The following ATP11B variants were observed in gnomAD, a reference collection of about 807,000 sequenced individuals.
ATP11B encodes the protein ATPase phospholipid transporting 11B (putative).
Under a neutral mutation model 157.8 loss-of-function variants are expected in ATP11B, and 81 were observed. That is an observed-to-expected ratio of 0.51 (90% CI 0.43 to 0.62). The LOEUF (loss-of-function observed/expected upper bound fraction) is 0.62. Ranked by LOEUF, ATP11B falls within the 20% of genes least tolerant of loss-of-function variation. The pLI is 0.00. For synonymous variants in ATP11B, 451 were observed against 469.4 expected (o/e 0.96, Z 0.51); for missense variants, 1,165 against 1,402.2 (o/e 0.83, Z 2.70).
chr3:182,819,137 C>A (rs1006570948), intron 1 of ATP11B, among the ~76,000 whole-genome samples: 1 of 143,308 alleles, frequency 7.0e-6, no homozygotes, highest in African/African-American at 2.6e-5. Flanking sequence ...AGTGCAGTGG[C>A]GCGATTTCGG....
chr3:182,828,337 A>G (rs1299152023), intron 3 of ATP11B, 128 bp downstream of exon 3: 2 of 461,996 alleles, frequency 4.3e-6, no homozygotes, highest in Non-Finnish European at 7.9e-6. Flanking sequence ...GTGCTTCTGC[A>G]TTGTATTCAG....
At chr3:182,903,365 TTCTC>T (rs1298319523) in intron 28 of ATP11B, among the ~76,000 whole-genome samples, 3 of 152,166 alleles carry the variant, frequency 2.0e-5, no homozygotes, top group African/African-American at 7.2e-5. Context: ...TTTCTAATCT[TTCTC>T]TATGTTCATT....
chr3:182,805,282 A>G (rs1170435711), intron 1 of ATP11B, among the ~76,000 whole-genome samples: 1 of 152,170 alleles, frequency 6.6e-6, no homozygotes, highest in East Asian at 1.9e-4. Flanking sequence ...ATCCTTGCCA[A>G]CACTTACTTT....
chr3:182,863,685 A>G (rs1721020600), intron 12 of ATP11B, among the ~76,000 whole-genome samples: 1 of 151,988 alleles, frequency 6.6e-6, no homozygotes. Context: ...ATGAAAGTTA[A>G]AAGATTAAAC....
intron 18 of ATP11B, among the ~76,000 whole-genome samples, chr3:182,872,898 C>T (rs748074250): frequency 2.0e-5 from 3 of 152,194 alleles, no homozygotes; most frequent in Non-Finnish European, 2.9e-5. Context: ...CTCTGCATGC[C>T]ACCTGTAGCT....
At chr3:182,814,951 AG>A (rs1716886418) in intron 1 of ATP11B, among the ~76,000 whole-genome samples, 1 of 152,188 alleles carries the variant, frequency 6.6e-6, no homozygotes, top group East Asian at 1.9e-4. Context: ...CTGGGGAATG[AG>A]GGGCATCAGC....
At chr3:182,890,522 C>T (rs999226739) in intron 25 of ATP11B, among the ~76,000 whole-genome samples, 1 of 152,014 alleles carries the variant, frequency 6.6e-6, no homozygotes, top group African/African-American at 2.4e-5. Context: ...CAAAATACAC[C>T]GGTGTAATAA....
At chr3:182,852,900 A>G (rs1720090359) in intron 10 of ATP11B, among the ~76,000 whole-genome samples, 1 of 152,252 alleles carries the variant, frequency 6.6e-6, no homozygotes, top group South Asian at 2.1e-4. Flanking sequence ...TGTTGTGAAG[A>G]TGCCAGAAAC....
chr3:182,844,499 C>A lies in ATP11B; in HGVS notation c.705-959C>A, dbSNP rs796736332. On this transcript the variant is annotated intron_variant, in intron 8 of 29. Transcript: ENST00000323116. The stretch of plus-strand genomic sequence containing the variant: ...CTTATTTTGCTATCACTAAGAAGAT[C>A]AATTTCCTTTCTAGTTATTCCTTGT... The A allele has an allele frequency of 7.7e-6, 7 of 911,940 alleles. No individual in the cohort carries two copies. The South Asian group carries it at 2.0e-4, about 26-fold the overall frequency. 56.5% of individuals were successfully genotyped at this position (911,940 alleles called of 1,614,324 possible).
At chr3:182,829,033 T>C (rs1256855058) in intron 3 of ATP11B, among the ~76,000 whole-genome samples, 2 of 152,168 alleles carry the variant, frequency 1.3e-5, no homozygotes. Context: ...TTGCTTTCTT[T>C]CATGAACAGA....
At chr3:182,847,699 A>G (rs370774435) in intron 9 of ATP11B, among the ~76,000 whole-genome samples, 13 of 152,250 alleles carry the variant, frequency 8.5e-5, no homozygotes, top group African/African-American at 3.1e-4. Flanking sequence ...GTTTTTAGGC[A>G]TTTTGTTAAT....
intron 9 of ATP11B, among the ~76,000 whole-genome samples, chr3:182,846,813 G>A (rs547106848): frequency 6.6e-6 from 1 of 152,256 alleles, no homozygotes; most frequent in Non-Finnish European, 1.5e-5. Context: ...GTTTCCAGGG[G>A]CTGGGGAGTA....
intron 1 of ATP11B, among the ~76,000 whole-genome samples, chr3:182,799,362 C>G (rs780021140): frequency 6.6e-6 from 1 of 151,460 alleles, no homozygotes; most frequent in Non-Finnish European, 1.5e-5. Flanking sequence ...ACTGCAAGTT[C>G]GCCTCCTGGG....
intron 20 of ATP11B, 72 bp from the exon 21 acceptor site, chr3:182,880,807 C>A: frequency 1.2e-6 from 1 of 858,920 alleles, no homozygotes; most frequent in East Asian, 2.7e-5. Flanking sequence ...ATAGTCATTT[C>A]AGATAAATGA....
In ATP11B at chr3:182,897,413, G is replaced by A; in HGVS notation, c.3152+7G>A. 6.7e-7 allele frequency: 1 copy of A among 1,496,962 alleles called. No individual in the cohort carries two copies. Among genetic ancestry groups the A allele is most frequent in the Non-Finnish European group, 9.1e-7 (1 of 1,099,192 alleles). The allele number at this position is 1,496,962 out of a possible 1,614,324, so 92.7% of individuals were successfully genotyped here. A position where few individuals can be genotyped will look rare whatever the true frequency, so the allele number is the denominator to read the frequency against. Reference sequence around the variant, plus strand: ...TTTATGGAGGGATTCTCTGGTGAGTGAATATATTGTATTTTAATTGGATTG... The same window carrying A: ...TTTATGGAGGGATTCTCTGGTGAGTAAATATATTGTATTTTAATTGGATTG... On this transcript the variant is annotated splice_region_variant and intron_variant, in intron 27 of 29. Coordinates refer to ENST00000323116, the MANE Select transcript of ATP11B (RefSeq NM_014616.3).
intron 1 of ATP11B, among the ~76,000 whole-genome samples, chr3:182,800,966 A>T (rs1035159263): frequency 1.4e-5 from 2 of 144,468 alleles, no homozygotes; most frequent in Admixed American, 1.5e-4. Context: ...TGCCCAACGG[A>T]TTTTTTCGTA....
chr3:182,802,750 A>G (rs998139603), intron 1 of ATP11B, among the ~76,000 whole-genome samples: 1 of 151,626 alleles, frequency 6.6e-6, no homozygotes, highest in South Asian at 2.1e-4. Flanking sequence ...TATTTAACCT[A>G]CTCCAAAACT....
intron 8 of ATP11B, chr3:182,844,160 A>G (rs1013543998): frequency 1.3e-5 from 2 of 152,214 alleles, no homozygotes; most frequent in African/African-American, 2.4e-5. Context: ...TTGTCATTAT[A>G]TCCCAATTTT....
intron 12 of ATP11B, 72 bp from the exon 13 acceptor site, chr3:182,865,382 CAG>C: frequency 6.8e-7 from 1 of 1,475,426 alleles, no homozygotes; most frequent in East Asian, 2.3e-5. Context: ...AGAGCGAGGA[CAG>C]AGATTTTTTT....
Sources: gnomAD v4.1 joint callset for allele counts (sites outside exome capture counted in the v4.1 genomes callset) on GRCh38, gnomAD v4.1.1 for gene constraint, MANE v1.5 for transcripts, NCBI Gene and HGNC (gene_info 2026-07-23, HGNC 2026-07-21) for gene names.